Variants in KPNA4 observed in about 807,000 individuals in gnomAD.
The protein encoded by KPNA4 is karyopherin subunit alpha 4.
KPNA4 carries 13 observed loss-of-function variants against 71.3 expected under a neutral mutation model. The ratio of observed to expected loss-of-function variants is 0.18; its 90% CI spans 0.12 to 0.29. The LOEUF (loss-of-function observed/expected upper bound fraction) is 0.29, where lower values mean the gene tolerates loss of function less well. KPNA4 is among the 10% of genes least tolerant of loss of function. The pLI is 1.00. For missense variants in KPNA4, 334 were observed against 603.2 expected, an observed-to-expected ratio of 0.55 and a Z score of 4.67; for synonymous variants, 189 against 195.2, an observed-to-expected ratio of 0.97 and a Z score of 0.26.
At chr3:160,541,849 AAATAT>A (rs1291688670) in intron 1 of KPNA4, among the ~76,000 whole-genome samples, 2 of 152,174 alleles carry the variant, frequency 1.3e-5, no homozygotes, top group Non-Finnish European at 2.9e-5. Context: ...TCTGATACAG[AAATAT>A]AACTTAGTAA....
chr3:160,514,270 A>T (rs1356961076), intron 12 of KPNA4, 89 bp from the exon 13 acceptor site: 51 of 792,564 alleles, frequency 6.4e-5, no homozygotes, highest in Non-Finnish European at 9.5e-5. Flanking sequence ...CACTGTCCCA[A>T]TGATTTTACT....
chr3:160,519,995 A>G (rs1174818295), intron 11 of KPNA4, among the ~76,000 whole-genome samples: 1 of 152,104 alleles, frequency 6.6e-6, no homozygotes, highest in African/African-American at 2.4e-5. Flanking sequence ...GAAAATCTCT[A>G]TAAGGTGTCA....
intron 1 of KPNA4, among the ~76,000 whole-genome samples, chr3:160,547,440 T>C (rs1721945640): frequency 6.6e-6 from 1 of 152,072 alleles, no homozygotes; most frequent in Admixed American, 6.6e-5. Context: ...CAGTTTTAGG[T>C]TTACAGGAAA....
rs558503248 is a variant in KPNA4, at chr3:160,555,579, T to C, written c.69+9635A>G. ...AAATGGAACAATTATAACAATATATTGTAAGAAAAGTCATGTGAATGTGGG... is the reference window on the plus strand; with the variant it reads ...AAATGGAACAATTATAACAATATATCGTAAGAAAAGTCATGTGAATGTGGG... On this transcript the variant is annotated intron_variant, in intron 1 of 16. Coordinates refer to ENST00000334256, the MANE Select transcript of KPNA4 (RefSeq NM_002268.5). Among the ~76,000 whole-genome samples the C allele has an allele frequency of 1.2e-4, 18 of 152,290 alleles. No individual in the cohort carries two copies. The South Asian group carries it at 3.5e-3, about 30-fold the overall frequency.
chr3:160,552,537 G>A (rs181268819), intron 1 of KPNA4, among the ~76,000 whole-genome samples: 1 of 152,234 alleles, frequency 6.6e-6, no homozygotes, highest in Non-Finnish European at 1.5e-5. Context: ...TAAGTTTCAG[G>A]GAGCTTATAG....
rs983288621 is a variant in KPNA4 at position 160,499,235 on chromosome 3, C to T, written c.*2869G>A. On this transcript the variant is annotated 3_prime_UTR_variant, in exon 17 of 17. Coordinates refer to ENST00000334256, the MANE Select transcript of KPNA4 (RefSeq NM_002268.5). ...TTATTTCCACCATAACACACAATTA[C>T]TGAAGTCTTTGAAAATTACAAAGGA... The T allele has an allele frequency of 6.6e-6, 1 of 152,076 alleles. No homozygotes were observed. Among genetic ancestry groups the T allele is most frequent in the Non-Finnish European group, 1.5e-5 (1 of 68,010 alleles). The allele number at this position is 152,076 out of a possible 1,614,324, so 9.4% of individuals were successfully genotyped here.
chr3:160,550,563 C>T (rs981560198), intron 1 of KPNA4, among the ~76,000 whole-genome samples: 3 of 152,232 alleles, frequency 2.0e-5, no homozygotes, highest in African/African-American at 7.2e-5. Context: ...CCAGCACACA[C>T]CGCCACTGCC....
chr3:160,562,630 T>C (rs1722269924), intron 1 of KPNA4, among the ~76,000 whole-genome samples: 1 of 152,216 alleles, frequency 6.6e-6, no homozygotes, highest in Non-Finnish European at 1.5e-5. Flanking sequence ...ATTACAAGCA[T>C]ATGTGATTTT....
At chr3:160,518,630 C>T (rs542137908) in intron 11 of KPNA4, among the ~76,000 whole-genome samples, 35 of 151,442 alleles carry the variant, frequency 2.3e-4, no homozygotes, top group African/African-American at 8.0e-4. Context: ...GAGGCCGAGG[C>T]GGGTGGATCA....
rs564896414 is a variant in KPNA4, at chr3:160,544,592, A to G, written c.70-7752T>C. Among the ~76,000 whole-genome samples the G allele has an allele frequency of 5.3e-5, 8 of 152,344 alleles. No individual in the cohort carries two copies. In the South Asian group the frequency reaches 1.7e-3, roughly 32 times the overall value. On this transcript the variant is annotated intron_variant, in intron 1 of 16. Coordinates refer to ENST00000334256, the MANE Select transcript of KPNA4 (RefSeq NM_002268.5). ...AAACAAAAAACTTTGAATCCTTAACAGAAGAAATAAAATTTCACAAACTGT... is the reference window on the plus strand; with the variant it reads ...AAACAAAAAACTTTGAATCCTTAACGGAAGAAATAAAATTTCACAAACTGT...
intron 2 of KPNA4, among the ~76,000 whole-genome samples, 172 bp downstream of exon 2, chr3:160,536,624 T>G (rs1721699686): frequency 6.6e-6 from 1 of 152,040 alleles, no homozygotes; most frequent in Non-Finnish European, 1.5e-5. Flanking sequence ...TAAAGAAAAA[T>G]GCTTAGCAGT....
chr3:160,557,817 G>C (rs1722171291), intron 1 of KPNA4, among the ~76,000 whole-genome samples: 1 of 152,094 alleles, frequency 6.6e-6, no homozygotes, highest in Non-Finnish European at 1.5e-5. Context: ...TATGACTACA[G>C]GTGTGTGCCA....
In KPNA4 at chr3:160,565,523, A is replaced by T. The variant is rs1722334905; in HGVS notation, c.-241T>A. ...GACAACTGTGGGGCCGGGCGGCGGCAAGGCGACGGAATGTGCTGCCGGCTG... is the reference window on the plus strand; with the variant it reads ...GACAACTGTGGGGCCGGGCGGCGGCTAGGCGACGGAATGTGCTGCCGGCTG... On this transcript the variant is annotated 5_prime_UTR_variant, in exon 1 of 17. Transcript: ENST00000334256. The T allele has an allele frequency of 2.0e-6, 1 of 509,370 alleles. No homozygotes were observed. The highest frequency in any genetic ancestry group is 3.8e-5 in the Admixed American group (1 of 26,508). The allele number at this position is 509,370 out of a possible 1,614,324, so 31.6% of individuals were successfully genotyped here. A position where few individuals can be genotyped will look rare whatever the true frequency, so the allele number is the denominator to read the frequency against.
intron 1 of KPNA4, among the ~76,000 whole-genome samples, chr3:160,563,663 T>C (rs2108563903): frequency 6.6e-6 from 1 of 152,328 alleles, no homozygotes; most frequent in Admixed American, 6.5e-5. Context: ...GTTTTATCAT[T>C]TGTGATTTTT....
chr3:160,530,343 G>C (rs1363091185), intron 7 of KPNA4, among the ~76,000 whole-genome samples: 1 of 151,940 alleles, frequency 6.6e-6, no homozygotes, highest in Non-Finnish European at 1.5e-5. Flanking sequence ...GCTAGGCACA[G>C]TGGCACATGC....
chr3:160,563,386 T>C (rs1722282375), intron 1 of KPNA4, among the ~76,000 whole-genome samples: 1 of 152,188 alleles, frequency 6.6e-6, no homozygotes, highest in Non-Finnish European at 1.5e-5. Flanking sequence ...TAGTTGGGAA[T>C]TGGAGAGTGA....
intron 1 of KPNA4, among the ~76,000 whole-genome samples, chr3:160,547,334 T>C (rs1044231055): frequency 3.9e-5 from 6 of 152,220 alleles, no homozygotes; most frequent in African/African-American, 1.4e-4. Flanking sequence ...TAGATTCTCA[T>C]GGGTGTTTTG....
chr3:160,564,016 G>C (rs1722292758), intron 1 of KPNA4, among the ~76,000 whole-genome samples: 1 of 152,120 alleles, frequency 6.6e-6, no homozygotes, highest in South Asian at 2.1e-4. Flanking sequence ...AATGCCATGG[G>C]AAGTTGAAGA....
At chr3:160,537,804 T>C (rs150032515) in intron 1 of KPNA4, among the ~76,000 whole-genome samples, 59 of 151,978 alleles carry the variant, frequency 3.9e-4, no homozygotes, top group African/African-American at 1.4e-3. Context: ...ATATTCAATC[T>C]GTCAGCAAAT....
Sources: allele counts gnomAD v4.1 joint callset (sites outside exome capture counted in the v4.1 genomes callset), GRCh38; gene constraint gnomAD v4.1.1; transcripts MANE v1.5; gene names NCBI Gene and HGNC (gene_info 2026-07-23, HGNC 2026-07-21).